Variants in ANXA2 observed in about 807,000 individuals in gnomAD.
ANXA2 encodes annexin A2.
In ANXA2, 28 loss-of-function variants were observed where a neutral mutation model predicts 47.3. That is an observed-to-expected ratio of 0.59 (90% CI 0.44 to 0.81). The LOEUF is 0.81. ANXA2 is among the 40% of genes least tolerant of loss of function. The pLI is 0.00. For missense variants in ANXA2, 384 were observed against 414.3 expected, an observed-to-expected ratio of 0.93 and a Z score of 0.64; for synonymous variants, 172 against 155.5, an observed-to-expected ratio of 1.11 and a Z score of -0.79.
At chr15:60,392,094 C>T (rs1240954384) in intron 1 of ANXA2, among the ~76,000 whole-genome samples, 1 of 152,046 alleles carries the variant, frequency 6.6e-6, no homozygotes, top group East Asian at 1.9e-4. Flanking sequence ...GCCATACCCA[C>T]CTCAAACTGG....
chr15:60,386,638 A>T (rs2062937299), intron 1 of ANXA2: 1 of 152,466 alleles, frequency 6.6e-6, no homozygotes, highest in Admixed American at 6.5e-5. Flanking sequence ...GAGAAAGACG[A>T]TGGACAGATT....
chr15:60,361,830 G>A (rs536001814), intron 4 of ANXA2, among the ~76,000 whole-genome samples: 2 of 152,044 alleles, frequency 1.3e-5, no homozygotes, highest in African/African-American at 4.8e-5. Flanking sequence ...TTTTAGCGAT[G>A]CTTCCTCGAG....
rs146560669 is a variant in ANXA2, at chr15:60,356,496, A to G, written c.449-498T>C. Among the ~76,000 whole-genome samples, 1,124 of 152,280 alleles carry G rather than the reference A, an allele frequency of 7.4e-3. 17 individuals carry two copies. The highest frequency in any genetic ancestry group is 0.025 in the African/African-American group (1,028 of 41,536). ...TATTGAAATACAGTAGCTAGAGAAGAACTGTAATGTTCCTGATACAAAAAA... is the reference window on the plus strand; with the variant it reads ...TATTGAAATACAGTAGCTAGAGAAGGACTGTAATGTTCCTGATACAAAAAA... On this transcript the variant is annotated intron_variant, in intron 6 of 12. Transcript: ENST00000451270.
At chr15:60,387,914 G>C (rs566500203) in intron 1 of ANXA2, among the ~76,000 whole-genome samples, 60 of 152,288 alleles carry the variant, frequency 3.9e-4, no homozygotes, top group African/African-American at 1.4e-3. Flanking sequence ...AATCGGCCGG[G>C]TGCGGTGGCT....
intron 1 of ANXA2, 96 bp from the exon 2 acceptor site, chr15:60,386,182 T>C (rs1330887021): frequency 1.2e-6 from 1 of 845,874 alleles, no homozygotes; most frequent in Non-Finnish European, 1.9e-6. Flanking sequence ...CCTTGGACCA[T>C]TTCATCTGAC....
intron 3 of ANXA2, among the ~76,000 whole-genome samples, chr15:60,365,063 T>TTTTTTTTTTTTTTTTTTTTTTTG (rs1451543732): frequency 2.7e-5 from 4 of 147,664 alleles, no homozygotes; most frequent in South Asian, 4.3e-4. Flanking sequence ...GTATTTTTAA[T>TTTTTTTTTTTTTTTTTTTTTTTG]AGCATAATTG....
At position 60,364,415 on chromosome 15, in the gene ANXA2, G is replaced by A. The variant is rs1358355058; in HGVS notation, c.243+14C>T. 1.2e-6 allele frequency: 2 copies of A among 1,601,750 alleles called. No homozygotes were observed. The highest frequency in any genetic ancestry group is 2.7e-5 in the African/African-American group (2 of 74,348). On this transcript the variant is annotated intron_variant, in intron 4 of 12. Transcript: ENST00000451270. ...TCAACAAGAAATGCCCTCCATCCCT[G>A]GAATTGCCTGTACCTTTTTGGTCCT...
At chr15:60,386,984 T>G (rs1324667643) in intron 1 of ANXA2, 1 of 152,214 alleles carries the variant, frequency 6.6e-6, no homozygotes. Context: ...TTTGGTCTCT[T>G]TTTGCTTAAT....
chr15:60,377,840 C>A (rs2062802238), intron 3 of ANXA2, among the ~76,000 whole-genome samples: 2 of 152,160 alleles, frequency 1.3e-5, no homozygotes, highest in African/African-American at 4.8e-5. Flanking sequence ...GTAATCCCAG[C>A]ACTTTCGGAG....
chr15:60,389,061 A>T (rs1014506672), intron 1 of ANXA2, among the ~76,000 whole-genome samples: 1 of 152,156 alleles, frequency 6.6e-6, no homozygotes, highest in Non-Finnish European at 1.5e-5. Flanking sequence ...AGCAGAGGTG[A>T]AACTCCTAGG....
intron 5 of ANXA2, among the ~76,000 whole-genome samples, chr15:60,358,765 A>G (rs1412538047): frequency 6.6e-6 from 1 of 152,232 alleles, no homozygotes; most frequent in East Asian, 1.9e-4. Flanking sequence ...TTTGAGAGGC[A>G]GTTGTTCAAT....
intron 3 of ANXA2, among the ~76,000 whole-genome samples, chr15:60,365,126 C>A (rs1041944945): frequency 1.3e-5 from 2 of 150,144 alleles, no homozygotes; most frequent in Admixed American, 1.3e-4. Context: ...GGAAAATAAA[C>A]GTTCCACTGC....
intron 1 of ANXA2, among the ~76,000 whole-genome samples, chr15:60,387,365 C>A (rs1278270235): frequency 6.6e-6 from 1 of 152,206 alleles, no homozygotes; most frequent in Admixed American, 6.5e-5. Context: ...CTCCCCACCC[C>A]AATTTGTCCC....
intron 3 of ANXA2, among the ~76,000 whole-genome samples, chr15:60,374,193 G>A (rs2140886147): frequency 6.8e-6 from 1 of 147,372 alleles, no homozygotes; most frequent in South Asian, 2.1e-4. Context: ...CATCGACTTG[G>A]TAATCTCACC....
intron 3 of ANXA2, among the ~76,000 whole-genome samples, chr15:60,379,080 A>T (rs567874759): frequency 3.9e-5 from 6 of 152,204 alleles, no homozygotes; most frequent in African/African-American, 1.4e-4. Flanking sequence ...GGAGTTCAAG[A>T]CCAGCCTGCC....
intron 8 of ANXA2, among the ~76,000 whole-genome samples, chr15:60,353,639 A>T (rs1173376564): frequency 6.6e-6 from 1 of 152,180 alleles, no homozygotes; most frequent in Non-Finnish European, 1.5e-5. Flanking sequence ...GAAGAGCCTA[A>T]TCCCCTCCCA....
intron 3 of ANXA2, among the ~76,000 whole-genome samples, chr15:60,374,845 G>A (rs950441385): frequency 1.4e-4 from 22 of 152,338 alleles, no homozygotes; most frequent in South Asian, 4.1e-4. Flanking sequence ...CTCAGCAACT[G>A]GGAAGGGTCC....
At chr15:60,360,273 A>G (rs919423565) in intron 5 of ANXA2, among the ~76,000 whole-genome samples, 4 of 152,186 alleles carry the variant, frequency 2.6e-5, no homozygotes, top group Non-Finnish European at 5.9e-5. Flanking sequence ...AAAACAAAAC[A>G]AAACAAAAAA....
intron 2 of ANXA2, chr15:60,384,433 G>A (rs1384776614): frequency 2.0e-5 from 3 of 152,194 alleles, no homozygotes; most frequent in Non-Finnish European, 4.4e-5. Context: ...TGAAATTAGT[G>A]AGACAAAGTT....
Sources: allele counts gnomAD v4.1 joint callset (sites outside exome capture counted in the v4.1 genomes callset), GRCh38; gene constraint gnomAD v4.1.1; transcripts MANE v1.5; gene names NCBI Gene and HGNC (gene_info 2026-07-23, HGNC 2026-07-21).